Variants in FRMD1 observed in about 807,000 individuals in gnomAD.
FRMD1 encodes the protein FERM domain containing 1.
Under a neutral mutation model 54.9 loss-of-function variants are expected in FRMD1, and 51 were observed. The ratio of observed to expected loss-of-function variants is 0.93; its 90% CI spans 0.74 to 1.17. The LOEUF is 1.17. Among genes scored for constraint, FRMD1 ranks in the 50% most tolerant of loss-of-function variants. The probability of loss-of-function intolerance (pLI) is 0.00; values close to 1 mark genes in which losing one functional copy is unlikely to be tolerated. For missense variants in FRMD1, 729 were observed against 743.0 expected (o/e 0.98, Z 0.22); for synonymous variants, 324 against 306.4 (o/e 1.06, Z -0.60).
upstream of FRMD1, among the ~76,000 whole-genome samples, chr6:168,086,519 C>T (rs1374742588): frequency 6.7e-6 from 1 of 148,264 alleles, no homozygotes; most frequent in Non-Finnish European, 1.5e-5. Flanking sequence ...GTGGACACTG[C>T]CCATGTTCCA....
chr6:168,079,059 G>T lies in FRMD1; in HGVS notation c.36C>A (p.Pro12=), dbSNP rs142478026. 1.9e-6 allele frequency: 3 copies of T among 1,609,792 alleles called. No homozygotes were observed. Among genetic ancestry groups the T allele is most frequent in the South Asian group, 2.2e-5 (2 of 91,048 alleles). ...AVPPRGRGID[P]ARTNPDTFPP... ...GGAACGTGTCAGGGTTTGTCCGGGC[G>T]GGGTCTATGCCCCTCCCTCTCGGGG... Residue 12 remains proline, a synonymous_variant, in exon 1 of 11, where the codon CCC becomes CCA. Coordinates refer to ENST00000283309, the MANE Select transcript of FRMD1 (RefSeq NM_024919.6).
upstream of FRMD1, among the ~76,000 whole-genome samples, chr6:168,085,044 C>G (rs1317843750): frequency 6.6e-6 from 1 of 152,242 alleles, no homozygotes; most frequent in Admixed American, 6.5e-5. Context: ...CACATTCCCA[C>G]AAAGGGCTGG....
chr6:168,057,898 G>T (rs1404355707), intron 10 of FRMD1, among the ~76,000 whole-genome samples: 1 of 152,244 alleles, frequency 6.6e-6, no homozygotes, highest in Non-Finnish European at 1.5e-5. Flanking sequence ...GTGGCAGGTG[G>T]CAGGGGCAGG....
At chr6:168,061,441 G>A (rs1378298004) in intron 8 of FRMD1, among the ~76,000 whole-genome samples, 4 of 152,162 alleles carry the variant, frequency 2.6e-5, no homozygotes, top group Non-Finnish European at 5.9e-5. Flanking sequence ...AGGTGAGGAT[G>A]TGGAACAGGA....
In FRMD1 at chr6:168,060,966, C is replaced by T. The variant is rs368676324; in HGVS notation, c.1137G>A (p.Gln379=). 6 of 1,613,026 alleles carry T rather than the reference C, an allele frequency of 3.7e-6. No homozygotes were observed. Among genetic ancestry groups the T allele is most frequent in the Middle Eastern group, 1.6e-4 (1 of 6,064 alleles). The part of the protein sequence containing the change: ...RSFPGSGVSS[Q]HCPHCLSRHS... The stretch of plus-strand genomic sequence containing the variant: ...GGCGTGAGAGGCAGTGGGGGCAGTG[C>T]TGGCTGCTGACCCCACTGCCCGGGA... Residue 379 remains glutamine, a synonymous_variant, in exon 9 of 11, where the codon CAG becomes CAA. Coordinates refer to ENST00000283309, the MANE Select transcript of FRMD1 (RefSeq NM_024919.6).
At chr6:168,067,661 T>C in intron 2 of FRMD1, 1 of 515,918 alleles carries the variant, frequency 1.9e-6, no homozygotes. Flanking sequence ...TAAAACAATG[T>C]TCCAACGTGT....
In FRMD1 at chr6:168,075,228, G is replaced by T; in HGVS notation, c.304+17C>A. 6.2e-7 allele frequency: 1 copy of T among 1,609,998 alleles called. No individual in the cohort carries two copies. The highest frequency in any genetic ancestry group is 8.5e-7 in the Non-Finnish European group (1 of 1,176,922). ...GCCCCTGGGCATTCCTGCAGGTGGG[G>T]ACTGAGCGATGCTTACTTCTGACCA... On this transcript the variant is annotated intron_variant, in intron 2 of 10. Transcript: ENST00000283309.
In FRMD1 at chr6:168,078,902, G is replaced by C. The variant is rs773478449; in HGVS notation, c.193C>G (p.Gln65Glu). 1 of 1,594,286 alleles carries C rather than the reference G, an allele frequency of 6.3e-7. No individual in the cohort carries two copies. Among genetic ancestry groups the C allele is most frequent in the Non-Finnish European group, 8.5e-7 (1 of 1,173,276 alleles). ...DVLVLLPSRE[Q>E]LRLAVGVKAT... ...CTCACCCCCACGGCCAGCCGCAGTT[G>C]CTCCCGGCTGGGCAGCAGCACGAGG... Residue 65 changes from glutamine (Q) to glutamate (E), a missense_variant, in exon 1 of 11, where the codon CAA becomes GAA. Gln to Glu is a conservative substitution (Grantham distance 29). Transcript: ENST00000283309.
At chr6:168,089,763 A>G (rs1223926874) in intron 1 of FRMD1, among the ~76,000 whole-genome samples, 3 of 152,192 alleles carry the variant, frequency 2.0e-5, no homozygotes, top group Non-Finnish European at 4.4e-5. Flanking sequence ...ACACAGAGAC[A>G]CTGCTCAGGT....
At chr6:168,082,875 C>T (rs532614498), upstream of FRMD1, among the ~76,000 whole-genome samples, 3 of 152,274 alleles carry the variant, frequency 2.0e-5, no homozygotes, top group South Asian at 6.2e-4. Flanking sequence ...GGGTACAGGG[C>T]CTGGGGCAAG....
upstream of FRMD1, chr6:168,081,665 G>A (rs1800834071): frequency 3.0e-6 from 2 of 666,718 alleles, no homozygotes; most frequent in Middle Eastern, 8.6e-4. Flanking sequence ...GAGAAGGAAG[G>A]CAGAACTGAC....
chr6:168,092,887 G>C (rs1801037326), intron 1 of FRMD1: 1 of 152,238 alleles, frequency 6.6e-6, no homozygotes, highest in Admixed American at 6.5e-5. Flanking sequence ...CACAACGTCG[G>C]TGTATCAGTC....
At chr6:168,081,001 A>G (rs1351257770), upstream of FRMD1, among the ~76,000 whole-genome samples, 1 of 152,158 alleles carries the variant, frequency 6.6e-6, no homozygotes, top group Non-Finnish European at 1.5e-5. Context: ...ATTGATAAAC[A>G]CAATAAATGG....
intron 9 of FRMD1, among the ~76,000 whole-genome samples, chr6:168,060,517 C>T (rs7451278): frequency 0.27 from 40,512 of 152,090 alleles, 6,372 homozygotes; most frequent in African/African-American, 0.44. Flanking sequence ...TGCAGCTGCC[C>T]CTTGGCAGGA....
intron 1 of FRMD1, among the ~76,000 whole-genome samples, chr6:168,088,328 T>A (rs1018522399): frequency 6.6e-6 from 1 of 151,802 alleles, no homozygotes; most frequent in African/African-American, 2.4e-5. Context: ...CTCTCCAGAG[T>A]CATTGGATTT....
At chr6:168,069,051 G>A (rs1800174291) in intron 2 of FRMD1, among the ~76,000 whole-genome samples, 1 of 152,222 alleles carries the variant, frequency 6.6e-6, no homozygotes, top group Non-Finnish European at 1.5e-5. Flanking sequence ...AACAACCACA[G>A]CAACTCACTG....
intron 10 of FRMD1, 87 bp from the exon 11 acceptor site, chr6:168,057,426 A>G: frequency 6.5e-7 from 1 of 1,547,376 alleles, no homozygotes; most frequent in Non-Finnish European, 8.7e-7. Flanking sequence ...GTGGCCACAG[A>G]GCCACACTCC....
chr6:168,083,975 C>T (rs1272536421), upstream of FRMD1, among the ~76,000 whole-genome samples: 3 of 152,222 alleles, frequency 2.0e-5, no homozygotes, highest in African/African-American at 7.2e-5. Flanking sequence ...CCTGGCCCCT[C>T]TACTGAAGCC....
At chr6:168,066,336 T>C in intron 4 of FRMD1, 4 of 559,072 alleles carry the variant, frequency 7.2e-6, no homozygotes, top group Non-Finnish European at 9.1e-6. Flanking sequence ...CCGTCTCTAC[T>C]GAAAATACAA....
Sources: allele counts gnomAD v4.1 joint callset (sites outside exome capture counted in the v4.1 genomes callset), GRCh38; gene constraint gnomAD v4.1.1; transcripts MANE v1.5; gene names NCBI Gene and HGNC (gene_info 2026-07-23, HGNC 2026-07-21).